Variants in TCF12 observed in about 807,000 individuals in gnomAD.
The protein encoded by TCF12 is transcription factor 12, also known as DNA-binding protein HTF4.
A neutral mutation model predicts 86.0 loss-of-function variants in TCF12; 45 were observed. The observed-to-expected ratio is 0.52, with a 90% CI of 0.41 to 0.67. The LOEUF is 0.67. TCF12 is among the 30% of genes least tolerant of loss of function. TCF12 has a pLI of 0.00. For missense variants in TCF12, 881 were observed against 859.9 expected (o/e 1.02, Z -0.31); for synonymous variants, 330 against 299.6 (o/e 1.10, Z -1.05).
At chr15:57,060,737 C>T (rs958159839) in intron 3 of TCF12, among the ~76,000 whole-genome samples, 15 of 152,102 alleles carry the variant, frequency 9.9e-5, no homozygotes, top group African/African-American at 3.6e-4. Flanking sequence ...ATTTTCTTGT[C>T]AATAGGTATT....
chr15:56,966,993 G>T (rs1239568641), intron 3 of TCF12, among the ~76,000 whole-genome samples: 4 of 152,012 alleles, frequency 2.6e-5, no homozygotes, highest in African/African-American at 7.2e-5. Flanking sequence ...ATGGTGGCAG[G>T]TGCTTGTAAT....
chr15:56,977,316 T>G (rs2062661427), intron 3 of TCF12, among the ~76,000 whole-genome samples: 1 of 152,090 alleles, frequency 6.6e-6, no homozygotes, highest in South Asian at 2.1e-4. Flanking sequence ...GCGGATTGCT[T>G]GAGTCCAGGA....
At chr15:57,026,910 A>G (rs2065858592) in intron 3 of TCF12, among the ~76,000 whole-genome samples, 3 of 152,184 alleles carry the variant, frequency 2.0e-5, no homozygotes, top group Non-Finnish European at 4.4e-5. Flanking sequence ...TAGATTACAT[A>G]TAATACCTAA....
At chr15:56,952,120 A>C (rs1291050885) in intron 3 of TCF12, among the ~76,000 whole-genome samples, 2 of 152,046 alleles carry the variant, frequency 1.3e-5, no homozygotes, top group Non-Finnish European at 2.9e-5. Context: ...CTCTTTCTCA[A>C]GTGAATTCCT....
rs573901396 is a variant in TCF12 at position 57,129,033 on chromosome 15, C to G, written c.325+37142C>G. On this transcript the variant is annotated intron_variant, in intron 5 of 20. Coordinates refer to ENST00000333725, the MANE Select transcript of TCF12 (RefSeq NM_207037.2). The stretch of plus-strand genomic sequence containing the variant: ...TTTGTATGGACGTATTTTCAGTTCT[C>G]TTGGGTGTATACCTAGGAGTGGAGT... Among the ~76,000 whole-genome samples, 14 of 152,234 alleles carry G rather than the reference C, an allele frequency of 9.2e-5. No individual in the cohort carries two copies. The East Asian group carries it at 2.7e-3, about 29-fold the overall frequency.
chr15:57,086,672 A>G (rs527868504), intron 4 of TCF12, among the ~76,000 whole-genome samples: 2 of 148,048 alleles, frequency 1.4e-5, no homozygotes, highest in East Asian at 2.0e-4. Flanking sequence ...CTGAGAAAGT[A>G]ATCTTTATTC....
intron 8 of TCF12, among the ~76,000 whole-genome samples, chr15:57,210,382 A>G (rs1406046288): frequency 1.3e-5 from 2 of 151,814 alleles, no homozygotes; most frequent in Non-Finnish European, 2.9e-5. Flanking sequence ...TCACTGTATT[A>G]TAAAACATCT....
chr15:57,197,964 T>C (rs1446430544), intron 8 of TCF12, 139 bp downstream of exon 8: 1 of 804,554 alleles, frequency 1.2e-6, no homozygotes, highest in Non-Finnish European at 2.0e-6. Context: ...AACAAAATCA[T>C]TGATTGAGGT....
At chr15:57,141,716 A>T (rs1176340664) in intron 5 of TCF12, among the ~76,000 whole-genome samples, 1 of 152,244 alleles carries the variant, frequency 6.6e-6, no homozygotes, top group African/African-American at 2.4e-5. Flanking sequence ...CTTGCAACTC[A>T]GAGAAGAACT....
chr15:57,134,153 GAT>G (rs2151367849), intron 5 of TCF12, among the ~76,000 whole-genome samples: 1 of 152,226 alleles, frequency 6.6e-6, no homozygotes, highest in East Asian at 1.9e-4. Flanking sequence ...GGTCTTGTTT[GAT>G]ATTTCTTAAT....
chr15:57,237,542 G>A (rs2059431837), intron 12 of TCF12, among the ~76,000 whole-genome samples: 2 of 152,162 alleles, frequency 1.3e-5, no homozygotes, highest in African/African-American at 2.4e-5. Context: ...GGCATTGGGA[G>A]TTATTCATTA....
chr15:57,096,495 G>A (rs1450414158), intron 5 of TCF12, among the ~76,000 whole-genome samples: 2 of 151,858 alleles, frequency 1.3e-5, no homozygotes, highest in African/African-American at 4.8e-5. Flanking sequence ...TGAGGGATTG[G>A]GTCCCCTGAT....
intron 3 of TCF12, among the ~76,000 whole-genome samples, chr15:57,054,366 C>G (rs1458946590): frequency 6.6e-6 from 1 of 152,186 alleles, no homozygotes; most frequent in South Asian, 2.1e-4. Context: ...ACTTATGATC[C>G]TAATGGGTAC....
chr15:57,020,170 A>G (rs551130452), intron 3 of TCF12, among the ~76,000 whole-genome samples: 131 of 152,364 alleles, frequency 8.6e-4, no homozygotes, highest in Non-Finnish European at 1.4e-3. Context: ...AGTATGTAAG[A>G]TAGGAATTAC....
At chr15:56,994,233 A>C (rs2063589789) in intron 3 of TCF12, among the ~76,000 whole-genome samples, 1 of 152,188 alleles carries the variant, frequency 6.6e-6, no homozygotes, top group Non-Finnish European at 1.5e-5. Flanking sequence ...ACAGAGCCTT[A>C]GGATATTATG....
At chr15:57,236,149 G>C (rs972458834) in intron 12 of TCF12, among the ~76,000 whole-genome samples, 5 of 152,078 alleles carry the variant, frequency 3.3e-5, no homozygotes, top group Non-Finnish European at 5.9e-5. Flanking sequence ...CATTCCATCT[G>C]CTCCATCACT....
intron 6 of TCF12, among the ~76,000 whole-genome samples, chr15:57,190,596 T>C (rs1260548285): frequency 6.6e-6 from 1 of 152,134 alleles, no homozygotes; most frequent in Non-Finnish European, 1.5e-5. Flanking sequence ...GTCTTTCAAG[T>C]CTCTGTGATC....
intron 2 of TCF12, among the ~76,000 whole-genome samples, chr15:56,920,299 G>A (rs2059724180): frequency 6.6e-6 from 1 of 152,062 alleles, no homozygotes; most frequent in African/African-American, 2.4e-5. Flanking sequence ...CCACCGCGAT[G>A]ATTATTGGGG....
chr15:57,205,509 T>C (rs1012884710), intron 8 of TCF12, among the ~76,000 whole-genome samples: 7 of 152,206 alleles, frequency 4.6e-5, no homozygotes, highest in Non-Finnish European at 1.0e-4. Context: ...AACAACTGTA[T>C]ATACTTAAGA....
Sources: gnomAD v4.1 joint callset for allele counts (sites outside exome capture counted in the v4.1 genomes callset) on GRCh38, gnomAD v4.1.1 for gene constraint, MANE v1.5 for transcripts, NCBI Gene and HGNC (gene_info 2026-07-23, HGNC 2026-07-21) for gene names.